The following ESPL1 variants were observed in gnomAD, a reference collection of about 807,000 sequenced individuals.
ESPL1 encodes separin.
A neutral mutation model predicts 217.2 loss-of-function variants in ESPL1; 50 were observed. That is an observed-to-expected ratio of 0.23 (90% CI 0.18 to 0.29). ESPL1 has a LOEUF of 0.29. ESPL1 is among the 10% of genes least tolerant of loss of function. ESPL1 has a pLI of 1.00. For missense variants in ESPL1, 1,834 were observed against 2,603.0 expected (o/e 0.70, Z 6.43); for synonymous variants, 994 against 1,081.3 (o/e 0.92, Z 1.58).
chr12:53,278,244 G>A (rs1943803930), intron 11 of ESPL1, among the ~76,000 whole-genome samples: 1 of 152,128 alleles, frequency 6.6e-6, no homozygotes, highest in Admixed American at 6.5e-5. Context: ...CATGGAAGAG[G>A]TATTGTGTAA....
chr12:53,286,918 G>A lies in ESPL1; in HGVS notation c.4176+6G>A. ...GAGTCCAGACGCGCCTCAAGGTGAG[G>A]TGGGACTGTTGCTAGGTGGTGGTGA... On this transcript the variant is annotated splice_donor_region_variant and intron_variant, in intron 18 of 30. Transcript: ENST00000257934. The surrounding 1 kb of genome is among the most constrained non-coding windows in gnomAD (Gnocchi z 5.3). The A allele has an allele frequency of 1.9e-6, 3 of 1,580,468 alleles. No homozygotes were observed. Among genetic ancestry groups the A allele is most frequent in the Non-Finnish European group, 2.6e-6 (3 of 1,163,998 alleles).
At chr12:53,275,915 G>A (rs1943759111) in intron 7 of ESPL1, among the ~76,000 whole-genome samples, 1 of 152,100 alleles carries the variant, frequency 6.6e-6, no homozygotes, top group Non-Finnish European at 1.5e-5. Flanking sequence ...AAAAGAGGGA[G>A]CAACTTGAGG....
chr12:53,287,816 T>C, intron 18 of ESPL1, 156 bp from the exon 19 acceptor site: 3 of 685,968 alleles, frequency 4.4e-6, no homozygotes, highest in Non-Finnish European at 7.3e-6. Context: ...CTGCCCCTGA[T>C]CTAGAGTGTT....
chr12:53,275,630 G>T (rs1244539057), intron 7 of ESPL1, among the ~76,000 whole-genome samples: 1 of 152,168 alleles, frequency 6.6e-6, no homozygotes, highest in South Asian at 2.1e-4. Flanking sequence ...TGCTACTTGG[G>T]GGGTATAGTG....
At chr12:53,274,014 C>T (rs184156185) in intron 6 of ESPL1, 6 of 151,750 alleles carry the variant, frequency 4.0e-5, no homozygotes, top group African/African-American at 1.4e-4. Flanking sequence ...GCCACCATGC[C>T]TGGCTAATTT....
At chr12:53,274,719 C>A in intron 6 of ESPL1, 98 bp from the exon 7 acceptor site, 1 of 988,788 alleles carries the variant, frequency 1.0e-6, no homozygotes, top group East Asian at 2.6e-5. Flanking sequence ...AACCCCGCCC[C>A]CTCATGTGGT....
intron 11 of ESPL1, among the ~76,000 whole-genome samples, chr12:53,278,895 G>GCC: frequency 6.8e-6 from 1 of 146,758 alleles, no homozygotes; most frequent in African/African-American, 2.5e-5. Flanking sequence ...TTTCCGCCCC[G>GCC]CCCCCCCGCC....
At chr12:53,279,265 G>GAAAC (rs781459469) in intron 11 of ESPL1, among the ~76,000 whole-genome samples, 5 of 152,118 alleles carry the variant, frequency 3.3e-5, no homozygotes, top group Non-Finnish European at 2.9e-5. Flanking sequence ...TCCACATTAG[G>GAAAC]AAACAAACAA....
In ESPL1 at chr12:53,285,956, G is replaced by C. The variant is rs1221070328; in HGVS notation, c.3220G>C (p.Val1074Leu). ...TGGGGTGACTCAGCACCTGGACTCT[G>C]TGAAGAAGGTCCACCTGCAGAAGGG... is the stretch of plus-strand genomic sequence containing the variant. Reference protein sequence around the residue: ...FGGVTQHLDSVKKVHLQKGKQ... With the variant: ...FGGVTQHLDSLKKVHLQKGKQ... The change falls in exon 18 of 31, where the codon GTG (valine) becomes CTG (leucine). Residue 1074 changes from valine to leucine, a missense_variant. Physicochemically the swap from Val to Leu is conservative, Grantham distance 32 (BLOSUM62 1). Coordinates refer to ENST00000257934, the MANE Select transcript of ESPL1 (RefSeq NM_012291.5). 1 of 1,553,560 alleles carries C rather than the reference G, an allele frequency of 6.4e-7. No homozygotes were observed. Among genetic ancestry groups the C allele is most frequent in the African/African-American group, 1.4e-5 (1 of 73,264 alleles).
At chr12:53,270,965 G>C (rs554052220) in intron 5 of ESPL1, among the ~76,000 whole-genome samples, 167 bp downstream of exon 5, 1 of 152,294 alleles carries the variant, frequency 6.6e-6, no homozygotes, top group African/African-American at 2.4e-5. Flanking sequence ...TTTAACACCA[G>C]TAGAGAAGTG....
rs1392351048 is a variant in ESPL1, at chr12:53,290,425, C to A, written c.5320C>A (p.Arg1774=). The change falls in exon 24 of 31, where the codon CGA becomes AGA. Residue 1774 remains arginine (R), a synonymous_variant. Transcript: ENST00000257934. ...QKENSSCTDK[R]EWWTGRLALD... Reference sequence around the variant, plus strand: ...AGAGAACAGCAGCTGTACTGACAAGCGAGAATGGTGGACAGGGCGGCTGGC... The same window carrying A: ...AGAGAACAGCAGCTGTACTGACAAGAGAGAATGGTGGACAGGGCGGCTGGC... 6.2e-7 allele frequency: 1 copy of A among 1,613,164 alleles called. No individual in the cohort carries two copies. The highest frequency in any genetic ancestry group is 8.5e-7 in the Non-Finnish European group (1 of 1,179,900).
At chr12:53,279,391 A>C (rs141891152) in intron 11 of ESPL1, among the ~76,000 whole-genome samples, 1 of 152,226 alleles carries the variant, frequency 6.6e-6, no homozygotes, top group African/African-American at 2.4e-5. Context: ...TACCTGTTAT[A>C]TGAACTTAGA....
chr12:53,288,759 AC>A, intron 20 of ESPL1, 60 bp downstream of exon 20: 1 of 1,482,286 alleles, frequency 6.7e-7, no homozygotes, highest in South Asian at 1.3e-5. Flanking sequence ...AGGGCTTTTG[AC>A]CCCTCTGTCT....
Position 53,277,094 on chromosome 12 carries a change from A to G in ESPL1, c.1952A>G (p.Asp651Gly). Residue 651 changes from aspartate to glycine, a missense_variant, in exon 9 of 31, where the codon GAT becomes GGT. Transcript: ENST00000257934. ...TCTTCTCCCTGCAGCTCTGCTCTGG[A>G]TGCTATCCGGGAAGCCCTGCAGCTT... ...FTQQTNCSAL[D>G]AIREALQLLD... The G allele has an allele frequency of 6.2e-7, 1 of 1,613,836 alleles. No individual in the cohort carries two copies. Among genetic ancestry groups the G allele is most frequent in the Non-Finnish European group, 8.5e-7 (1 of 1,179,796 alleles).
chr12:53,282,350 C>G lies in ESPL1; in HGVS notation c.2706C>G (p.Val902=). The G allele has an allele frequency of 6.2e-7, 1 of 1,614,116 alleles. No homozygotes were observed. Among genetic ancestry groups the G allele is most frequent in the Non-Finnish European group, 8.5e-7 (1 of 1,179,988 alleles). Residue 902 remains valine, a synonymous_variant, in exon 14 of 31, where the codon GTC becomes GTG. Coordinates refer to ENST00000257934, the MANE Select transcript of ESPL1 (RefSeq NM_012291.5). The surrounding 1 kb of genome is among the most constrained non-coding windows in gnomAD (Gnocchi z 4.0). ...KSSKAWYLLR[V]QVLQLVAAYL... ...CCAAGGCTTGGTACTTGCTGCGTGT[C>G]CAGGTCCTGCAGCTGGTGGCAGCTT... is the stretch of plus-strand genomic sequence containing the variant.
Position 53,289,135 on chromosome 12 carries a change from T to C in ESPL1, c.4754T>C (p.Phe1585Ser). 1 of 1,614,256 alleles carries C rather than the reference T, an allele frequency of 6.2e-7. No individual in the cohort carries two copies. Among genetic ancestry groups the C allele is most frequent in the Non-Finnish European group, 8.5e-7 (1 of 1,180,044 alleles). The change falls in exon 21 of 31, where the codon TTC becomes TCC. Residue 1585 changes from phenylalanine (F) to serine (S), a missense_variant. Phe to Ser is a radical substitution (Grantham distance 155, BLOSUM62 -2). This residue lies in a region of ESPL1 where 681 missense variants were observed against 808.0 expected (regional missense o/e 0.84). Coordinates refer to ENST00000257934, the MANE Select transcript of ESPL1 (RefSeq NM_012291.5). Reference protein sequence around the residue: ...DSICDSLSVAFRGISHCPPSG... With the variant: ...DSICDSLSVASRGISHCPPSG... ...ATCTGTGACTCCCTGAGTGTTGCTT[T>C]CCGGGGCATTAGTCACTGTCCTCCT...
chr12:53,288,740 T>C, intron 20 of ESPL1, 41 bp downstream of exon 20: 3 of 1,565,582 alleles, frequency 1.9e-6, no homozygotes, highest in South Asian at 2.3e-5. Flanking sequence ...TGGAGAGGGC[T>C]GAGCCTCTAG....
chr12:53,289,375 G>A, intron 21 of ESPL1, 29 bp from the exon 22 acceptor site: 2 of 1,611,200 alleles, frequency 1.2e-6, no homozygotes, highest in East Asian at 2.2e-5. Context: ...GAAGGAATGG[G>A]ACCTCACCCC....
intron 6 of ESPL1, 91 bp from the exon 7 acceptor site, chr12:53,274,726 T>C: frequency 9.5e-7 from 1 of 1,047,532 alleles, no homozygotes. Context: ...CCCCCTCATG[T>C]GGTGTATGTA....
Sources: allele counts gnomAD v4.1 joint callset (sites outside exome capture counted in the v4.1 genomes callset), GRCh38; gene constraint gnomAD v4.1.1; regional missense constraint gnomAD v4.1.1; non-coding constraint Gnocchi (gnomAD v3.1); transcripts MANE v1.5; gene names NCBI Gene and HGNC (gene_info 2026-07-23, HGNC 2026-07-21).